Variants in CMTM4 observed in about 807,000 individuals in gnomAD.
CMTM4 encodes CKLF like MARVEL transmembrane domain containing 4.
A neutral mutation model predicts 19.0 loss-of-function variants in CMTM4; 8 were observed. The observed-to-expected ratio is 0.42, with a 90% CI of 0.25 to 0.76. The LOEUF is 0.76. Ranked by LOEUF, CMTM4 falls within the 30% of genes least tolerant of loss-of-function variation. The pLI is 0.27. For synonymous variants in CMTM4, 106 were observed against 121.1 expected (o/e 0.88, Z 0.82); for missense variants, 228 against 290.2 (o/e 0.79, Z 1.56).
chr16:66,658,644 G>T (rs538003785), intron 1 of CMTM4, among the ~76,000 whole-genome samples: 1 of 152,224 alleles, frequency 6.6e-6, no homozygotes, highest in African/African-American at 2.4e-5. Context: ...TCTCAGACCG[G>T]ATCACTTTTC....
chr16:66,636,600 A>T lies in CMTM4; in HGVS notation c.187-19T>A, dbSNP rs758681379. On this transcript the variant is annotated intron_variant, in intron 1 of 3. Coordinates refer to ENST00000394106, the MANE Select transcript of CMTM4 (RefSeq NM_181521.3). ...CCAAGATCTAGGAAGAAAATTGGAA[A>T]CATATATGTACGTATATGTTTAGTA... 1.2e-6 allele frequency: 2 copies of T among 1,603,732 alleles called. No individual in the cohort carries two copies. The highest frequency in any genetic ancestry group is 1.7e-6 in the Non-Finnish European group (2 of 1,170,696).
chr16:66,612,977 C>T, downstream of CMTM4: 1 of 691,410 alleles, frequency 1.4e-6, no homozygotes, highest in Non-Finnish European at 2.6e-6. This position sits in a 1 kb window ranked among gnomAD's most constrained non-coding sequence, Gnocchi z 6.0. Context: ...GCAGGTGTTC[C>T]ATGCTGCTAG....
intron 1 of CMTM4, among the ~76,000 whole-genome samples, chr16:66,690,899 G>A (rs1404982568): frequency 6.6e-6 from 1 of 152,076 alleles, no homozygotes; most frequent in African/African-American, 2.4e-5. Context: ...TTGAGCTCAG[G>A]AGTTCGAGAT....
chr16:66,601,659 G>A, the CMTM4 span, among the ~76,000 whole-genome samples: 3 of 152,238 alleles, frequency 2.0e-5, no homozygotes, highest in Non-Finnish European at 2.9e-5. Flanking sequence ...CCAGGAATCT[G>A]TCCGCCTCCT....
the CMTM4 span, chr16:66,609,657 A>T: frequency 6.6e-7 from 1 of 1,525,328 alleles, no homozygotes; most frequent in Non-Finnish European, 8.8e-7. This position sits in a 1 kb window ranked among gnomAD's most constrained non-coding sequence, Gnocchi z 4.4. Context: ...CCCGATGATG[A>T]TTCCAAAGTC....
chr16:66,608,404 C>T, the CMTM4 span: 3 of 1,614,216 alleles, frequency 1.9e-6, no homozygotes, highest in East Asian at 2.2e-5. The surrounding 1 kb of genome is among the most constrained non-coding windows in gnomAD (Gnocchi z 5.1). Context: ...CCTTGTACTT[C>T]CTCTTTGCTG....
At position 66,633,332 on chromosome 16, in the gene CMTM4, C is replaced by T. The variant is rs2015920215; in HGVS notation, c.363+3073G>A. Among the ~76,000 whole-genome samples, 3 of 151,938 alleles carry T rather than the reference C, an allele frequency of 2.0e-5. No homozygotes were observed. In the South Asian group the frequency reaches 6.2e-4, roughly 32 times the overall value. On this transcript the variant is annotated intron_variant, in intron 2 of 3. Coordinates refer to ENST00000394106, the MANE Select transcript of CMTM4 (RefSeq NM_181521.3). ...CCTGTGTTTTTAAATCTATACCAATCACACCCTATTTTAACCATCAGGCTG... is the reference window on the plus strand; with the variant it reads ...CCTGTGTTTTTAAATCTATACCAATTACACCCTATTTTAACCATCAGGCTG...
At chr16:66,631,911 A>G (rs999838459) in intron 2 of CMTM4, among the ~76,000 whole-genome samples, 3 of 152,196 alleles carry the variant, frequency 2.0e-5, no homozygotes, top group Admixed American at 2.0e-4. Context: ...TGCGAGAAAC[A>G]CCCAAGAATG....
In CMTM4 at chr16:66,618,870, G is replaced by C; in HGVS notation, c.*3188C>G. ...CTGCCAGGGGACAGTAACAGGGCCCGAAGGGCTGGGGGTGCCGCTGGCTTC... is the reference window on the plus strand; with the variant it reads ...CTGCCAGGGGACAGTAACAGGGCCCCAAGGGCTGGGGGTGCCGCTGGCTTC... On this transcript the variant is annotated 3_prime_UTR_variant, in exon 4 of 4. Transcript: ENST00000394106. The C allele has an allele frequency of 1.0e-6, 1 of 985,540 alleles. No individual in the cohort carries two copies. The highest frequency in any genetic ancestry group is 1.2e-6 in the Non-Finnish European group (1 of 829,980). 61.0% of individuals were successfully genotyped at this position (985,540 alleles called of 1,614,324 possible). A position where few individuals can be genotyped will look rare whatever the true frequency, so the allele number is the denominator to read the frequency against.
chr16:66,611,509 GGAGT>G (rs1327615741), downstream of CMTM4, among the ~76,000 whole-genome samples: 2 of 152,140 alleles, frequency 1.3e-5, no homozygotes, highest in Admixed American at 6.5e-5. Context: ...CCCAGGAACC[GGAGT>G]GAGGGACAGA....
chr16:66,688,500 C>T (rs1342945614), intron 1 of CMTM4, among the ~76,000 whole-genome samples: 2 of 150,954 alleles, frequency 1.3e-5, no homozygotes, highest in African/African-American at 4.9e-5. Context: ...ATACGAAGTC[C>T]ATCATACTCT....
the CMTM4 span, among the ~76,000 whole-genome samples, chr16:66,601,505 AG>A: frequency 2.4e-3 from 358 of 152,240 alleles, 1 homozygote; most frequent in African/African-American, 8.1e-3. Flanking sequence ...GTGTGAGCCC[AG>A]TTGATCTATG....
chr16:66,609,405 G>T, the CMTM4 span: 46 of 1,594,442 alleles, frequency 2.9e-5, no homozygotes, highest in Non-Finnish European at 3.8e-5. The surrounding 1 kb of genome is among the most constrained non-coding windows in gnomAD (Gnocchi z 4.4). Flanking sequence ...AGCTCCAGGG[G>T]CTCAGGGCAG....
At chr16:66,612,616 T>G, downstream of CMTM4, 1 of 1,614,044 alleles carries the variant, frequency 6.2e-7, no homozygotes, top group Non-Finnish European at 8.5e-7. The surrounding 1 kb of genome is among the most constrained non-coding windows in gnomAD (Gnocchi z 6.0). Flanking sequence ...CAGAAGAGAA[T>G]TCCGACTCGG....
chr16:66,602,575 G>C, the CMTM4 span, among the ~76,000 whole-genome samples: 4 of 151,538 alleles, frequency 2.6e-5, no homozygotes, highest in East Asian at 7.8e-4. Context: ...TCACTCTGCC[G>C]CCCAGGCTGG....
At position 66,618,662 on chromosome 16, in the gene CMTM4, C is replaced by T. The variant is rs1481387942; in HGVS notation, c.*3396G>A. 1 of 985,390 alleles carries T rather than the reference C, an allele frequency of 1.0e-6. No individual in the cohort carries two copies. Among genetic ancestry groups the T allele is most frequent in the East Asian group, 1.1e-4 (1 of 8,830 alleles). 61.0% of individuals were successfully genotyped at this position (985,390 alleles called of 1,614,324 possible). A position where few individuals can be genotyped will look rare whatever the true frequency, so the allele number is the denominator to read the frequency against. On this transcript the variant is annotated 3_prime_UTR_variant, in exon 4 of 4. Coordinates refer to ENST00000394106, the MANE Select transcript of CMTM4 (RefSeq NM_181521.3). ...ACATGAGTGCACAAAGGTGTTGGAG[C>T]TTGGTCTCCTCAGGCTTAACCCAAG...
downstream of CMTM4, chr16:66,609,929 T>A (rs755700413): frequency 3.7e-6 from 6 of 1,614,168 alleles, no homozygotes; most frequent in Middle Eastern, 1.6e-4. The surrounding 1 kb of genome is among the most constrained non-coding windows in gnomAD (Gnocchi z 4.4). Flanking sequence ...GATTTCTACC[T>A]GATCTTTAAC....
At chr16:66,689,015 A>G (rs2017088401) in intron 1 of CMTM4, among the ~76,000 whole-genome samples, 1 of 152,156 alleles carries the variant, frequency 6.6e-6, no homozygotes, top group African/African-American at 2.4e-5. Flanking sequence ...TTGCTAACTC[A>G]CTTATTAGTT....
At chr16:66,609,511 G>C in the CMTM4 span, 1 of 1,605,876 alleles carries the variant, frequency 6.2e-7, no homozygotes, top group South Asian at 1.1e-5. This position sits in a 1 kb window ranked among gnomAD's most constrained non-coding sequence, Gnocchi z 4.4. Context: ...TACTCGGATG[G>C]GGCTTCCAAA....
Sources: gnomAD v4.1 joint callset for allele counts (sites outside exome capture counted in the v4.1 genomes callset) on GRCh38, gnomAD v4.1.1 for gene constraint, Gnocchi (gnomAD v3.1) non-coding constraint, MANE v1.5 for transcripts, NCBI Gene and HGNC (gene_info 2026-07-23, HGNC 2026-07-21) for gene names.